The following PTPRQ variants were observed in gnomAD, a reference collection of about 807,000 sequenced individuals.
PTPRQ encodes the protein protein tyrosine phosphatase receptor type Q.
In PTPRQ, 199 loss-of-function variants were observed where a neutral mutation model predicts 246.0. The observed-to-expected ratio is 0.81, with a 90% CI of 0.72 to 0.91. PTPRQ has a LOEUF of 0.91. Ranked by LOEUF, PTPRQ falls within the 40% of genes least tolerant of loss-of-function variation. PTPRQ has a pLI of 0.00. For missense variants in PTPRQ, 2,624 were observed against 2,528.4 expected (o/e 1.04, Z -0.81); for synonymous variants, 869 against 853.2 (o/e 1.02, Z -0.32).
Position 80,650,022 on chromosome 12 carries a change from T to C in PTPRQ, c.6024+353T>C, listed in dbSNP as rs570992025. 3.3e-3 allele frequency among the ~76,000 whole-genome samples: 504 copies of C among 152,298 alleles called. 1 individual carries two copies. The highest frequency in any genetic ancestry group is 6.1e-3 in the Non-Finnish European group (417 of 68,006). On this transcript the variant is annotated intron_variant, in intron 37 of 44. Transcript: ENST00000644991. ...CAAGGTTTAGGTCATACTATAAGTG[T>C]AGTTTTATATTTAAGTAATTATTTT...
At chr12:80,502,181 A>C (rs1300806968) in intron 14 of PTPRQ, among the ~76,000 whole-genome samples, 1 of 151,912 alleles carries the variant, frequency 6.6e-6, no homozygotes, top group African/African-American at 2.4e-5. Flanking sequence ...TAGAGCTTGG[A>C]AAGGAGGAAA....
chr12:80,508,779 C>T (rs1427683696), intron 16 of PTPRQ, among the ~76,000 whole-genome samples: 5 of 152,000 alleles, frequency 3.3e-5, no homozygotes, highest in South Asian at 2.1e-4. Context: ...ATGTTAATTA[C>T]GTTTACTTAG....
intron 25 of PTPRQ, among the ~76,000 whole-genome samples, chr12:80,557,379 C>T (rs976741795): frequency 2.6e-5 from 4 of 151,494 alleles, no homozygotes; most frequent in Non-Finnish European, 5.9e-5. Context: ...GGTCTGTTCT[C>T]ACATGCTGCA....
chr12:80,643,253 C>G lies in PTPRQ; in HGVS notation c.5916-5644C>G, dbSNP rs149820506. ...AGGAGTTCGAGACCAGCCTGGCCAA[C>G]ATGGCAAAATCCCGTCTCTACTAAA... is the stretch of plus-strand genomic sequence containing the variant. On this transcript the variant is annotated intron_variant, in intron 35 of 44. Transcript: ENST00000644991. Among the ~76,000 whole-genome samples, 1,155 of 152,138 alleles carry G rather than the reference C, an allele frequency of 7.6e-3. 7 individuals are homozygous for G. The highest frequency in any genetic ancestry group is 0.011 in the Non-Finnish European group (740 of 67,984).
At chr12:80,623,186 C>T (rs1899060756) in intron 33 of PTPRQ, among the ~76,000 whole-genome samples, 1 of 152,034 alleles carries the variant, frequency 6.6e-6, no homozygotes, top group Admixed American at 6.6e-5. Flanking sequence ...ACGGATTGTC[C>T]CACCATTTTT....
intron 3 of PTPRQ, 151 bp downstream of exon 3, chr12:80,445,868 T>A: frequency 1.8e-6 from 1 of 568,838 alleles, no homozygotes; most frequent in Non-Finnish European, 3.1e-6. Context: ...CACCTGAGAT[T>A]TTAAAACTTG....
At chr12:80,663,575 T>A (rs1032923199) in intron 39 of PTPRQ, among the ~76,000 whole-genome samples, 1 of 151,960 alleles carries the variant, frequency 6.6e-6, no homozygotes, top group Non-Finnish European at 1.5e-5. Flanking sequence ...CCTAAGTCAC[T>A]TTCTCTTGTT....
chr12:80,649,852 A>G (rs1900199065), intron 37 of PTPRQ, among the ~76,000 whole-genome samples, 183 bp downstream of exon 37: 1 of 152,152 alleles, frequency 6.6e-6, no homozygotes, highest in Non-Finnish European at 1.5e-5. Context: ...CAACCTGATC[A>G]GAATTATTCA....
At chr12:80,651,960 G>T (rs1026145765) in intron 37 of PTPRQ, among the ~76,000 whole-genome samples, 1 of 151,918 alleles carries the variant, frequency 6.6e-6, no homozygotes, top group South Asian at 2.1e-4. Flanking sequence ...CCAATTAAAA[G>T]AAATAATTTA....
At chr12:80,604,165 T>A (rs1437093111) in intron 26 of PTPRQ, among the ~76,000 whole-genome samples, 1 of 151,578 alleles carries the variant, frequency 6.6e-6, no homozygotes, top group Non-Finnish European at 1.5e-5. Flanking sequence ...TGCCCATATG[T>A]ATTTAAAAAT....
chr12:80,568,961 C>G (rs932955508), intron 25 of PTPRQ, among the ~76,000 whole-genome samples: 3 of 152,086 alleles, frequency 2.0e-5, no homozygotes, highest in African/African-American at 4.8e-5. Context: ...ACAGGTGTTA[C>G]TTAACTAAAC....
At position 80,605,128 on chromosome 12, in the gene PTPRQ, G is replaced by A; in HGVS notation, c.4679G>A (p.Ser1560Asn). Residue 1560 changes from serine (S) to asparagine (N), a missense_variant, in exon 27 of 45, where the codon AGT becomes AAT. Transcript: ENST00000644991. ...TSPFSISISW[S>N]EPAVITGPTC... ...CCTTTTAGCATCAGCATAAGCTGGA[G>A]TGAACCTGCTGTCATTACTGGACCA... is the stretch of plus-strand genomic sequence containing the variant. The A allele has an allele frequency of 6.5e-7, 1 of 1,545,660 alleles. No homozygotes were observed.
chr12:80,669,334 T>C lies in PTPRQ; in HGVS notation c.6328-5T>C, dbSNP rs1255943416. ...CTTATGACTGATGATTTTCTCTGAA[T>C]GCAGATCAGATGCCATCAGTATTGG... On this transcript the variant is annotated splice_region_variant and splice_polypyrimidine_tract_variant and intron_variant, in intron 40 of 44. Transcript: ENST00000644991. The C allele has an allele frequency of 6.5e-7, 1 of 1,549,082 alleles. No individual in the cohort carries two copies. Among genetic ancestry groups the C allele is most frequent in the Admixed American group, 2.0e-5 (1 of 50,714 alleles).
At chr12:80,616,102 T>C in intron 29 of PTPRQ, 98 bp from the exon 30 acceptor site, 1 of 658,128 alleles carries the variant, frequency 1.5e-6, no homozygotes, top group Non-Finnish European at 2.1e-6. Flanking sequence ...TATAACTATA[T>C]ATATACATAC....
At chr12:80,494,805 A>G (rs747339035) in intron 10 of PTPRQ, 128 bp from the exon 11 acceptor site, 26 of 814,290 alleles carry the variant, frequency 3.2e-5, no homozygotes, top group Middle Eastern at 3.8e-4. Flanking sequence ...ACTTTAATAG[A>G]GGTGTGCATG....
intron 27 of PTPRQ, among the ~76,000 whole-genome samples, chr12:80,608,877 T>G (rs1226334591): frequency 1.3e-5 from 2 of 150,664 alleles, no homozygotes; most frequent in African/African-American, 2.4e-5. Context: ...TAATATTTTT[T>G]CAGCATGAAA....
chr12:80,469,182 A>C lies in PTPRQ; in HGVS notation c.1039+344A>C, dbSNP rs141524310. ...TCATGAAGAACAATGGACTTTGACTATATTAAATTAGATTTCTATTCACTG... is the reference window on the plus strand; with the variant it reads ...TCATGAAGAACAATGGACTTTGACTCTATTAAATTAGATTTCTATTCACTG... On this transcript the variant is annotated intron_variant, in intron 7 of 44. Transcript: ENST00000644991. Among the ~76,000 whole-genome samples, 891 of 152,316 alleles carry C rather than the reference A, an allele frequency of 5.8e-3. 8 individuals are homozygous for C. Among genetic ancestry groups the C allele is most frequent in the African/African-American group, 0.018 (757 of 41,572 alleles).
chr12:80,646,566 G>T (rs928230052), intron 35 of PTPRQ, among the ~76,000 whole-genome samples: 5 of 152,102 alleles, frequency 3.3e-5, no homozygotes, highest in African/African-American at 9.7e-5. Flanking sequence ...TTTACCCTCC[G>T]ATGCTTCTAG....
intron 25 of PTPRQ, among the ~76,000 whole-genome samples, chr12:80,587,078 G>C (rs1897644929): frequency 6.6e-6 from 1 of 152,104 alleles, no homozygotes; most frequent in African/African-American, 2.4e-5. Flanking sequence ...CAGCTCCCCT[G>C]AATGTAAATT....
Sources: allele counts gnomAD v4.1 joint callset (sites outside exome capture counted in the v4.1 genomes callset), GRCh38; gene constraint gnomAD v4.1.1; transcripts MANE v1.5; gene names NCBI Gene and HGNC (gene_info 2026-07-23, HGNC 2026-07-21).